Variants in FRY observed in about 807,000 individuals in gnomAD.
The protein encoded by FRY is FRY microtubule binding protein, also known as protein furry homolog.
A neutral mutation model predicts 348.4 loss-of-function variants in FRY; 128 were observed. The ratio of observed to expected loss-of-function variants is 0.37; its 90% CI spans 0.32 to 0.43. The LOEUF is 0.43. Ranked by LOEUF, FRY falls within the 20% of genes least tolerant of loss-of-function variation. The probability of loss-of-function intolerance (pLI) is 1.00; values close to 1 mark genes in which losing one functional copy is unlikely to be tolerated. For missense variants in FRY, 2,736 were observed against 3,695.2 expected, an observed-to-expected ratio of 0.74 and a Z score of 6.73; for synonymous variants, 1,370 against 1,374.7, an observed-to-expected ratio of 1.00 and a Z score of 0.08.
intron 48 of FRY, among the ~76,000 whole-genome samples, chr13:32,247,703 A>C (rs1886876654): frequency 6.6e-6 from 1 of 152,266 alleles, no homozygotes; most frequent in African/African-American, 2.4e-5. Context: ...AGCTTTTAAA[A>C]ATAGAAACTA....
chr13:32,295,443 T>G lies in FRY; in HGVS notation c.9025T>G (p.Ser3009Ala), dbSNP rs1448030097. Residue 3009 changes from serine to alanine, a missense_variant, in exon 61 of 61, where the codon TCT (serine) becomes GCT (alanine). Physicochemically the swap from Ser to Ala is moderately conservative, Grantham distance 99. This residue lies in a region of FRY where 157 missense variants were observed against 215.2 expected (regional missense o/e 0.73). Coordinates refer to ENST00000542859, the MANE Select transcript of FRY (RefSeq NM_023037.3). ...TACTTTTCTTCCAGACTCCAGTGTT[T>G]CTGGCACTAGTCTCTGACAGGAGCC... ...LTTFLPDSSV[S>A]GTSL is the part of the protein sequence containing the mutation. The G allele has an allele frequency of 1.9e-6, 3 of 1,611,380 alleles. No individual in the cohort carries two copies. The highest frequency in any genetic ancestry group is 1.1e-5 in the South Asian group (1 of 91,066).
At chr13:32,163,881 G>GT (rs1881589433) in intron 17 of FRY, among the ~76,000 whole-genome samples, 1 of 150,738 alleles carries the variant, frequency 6.6e-6, no homozygotes, top group African/African-American at 2.5e-5. Flanking sequence ...GCTGTTTTTT[G>GT]TTTTTTCTTT....
intron 2 of FRY, among the ~76,000 whole-genome samples, chr13:32,087,750 G>A (rs546685918): frequency 1.3e-5 from 2 of 152,290 alleles, no homozygotes; most frequent in East Asian, 3.9e-4. Flanking sequence ...TGTGTGTGCA[G>A]ACTTCTAGAT....
At chr13:32,146,349 T>G (rs1156556868) in intron 11 of FRY, among the ~76,000 whole-genome samples, 2 of 152,182 alleles carry the variant, frequency 1.3e-5, no homozygotes, top group Non-Finnish European at 2.9e-5. Flanking sequence ...TGTTTCTGTT[T>G]TTTTTGAGAC....
chr13:32,151,796 G>A (rs1315479128), intron 14 of FRY, among the ~76,000 whole-genome samples: 1 of 152,188 alleles, frequency 6.6e-6, no homozygotes, highest in Admixed American at 6.5e-5. Context: ...GAGGTCTTAT[G>A]TAGTGCTAGC....
At chr13:32,083,949 C>A (rs1302046016) in intron 2 of FRY, among the ~76,000 whole-genome samples, 1 of 152,150 alleles carries the variant, frequency 6.6e-6, no homozygotes, top group Non-Finnish European at 1.5e-5. Flanking sequence ...ACAGTCCTCT[C>A]CCTGGATAGC....
At position 32,237,598 on chromosome 13, in the gene FRY, CCAA is replaced by C; in HGVS notation, c.6034_6036del (p.Gln2012del). 1 of 1,614,066 alleles carries C rather than the reference CCAA, an allele frequency of 6.2e-7. No homozygotes were observed. The highest frequency in any genetic ancestry group is 2.2e-5 in the East Asian group (1 of 44,876). ...CACTGGACAGAATTCAGGCTTGTAC[CCAA>C]CAAGGCCTCTCCTCAAAAACCAGAA... On this transcript the variant is annotated inframe_deletion, in exon 44 of 61. Transcript: ENST00000542859. This position sits in a 1 kb window ranked among gnomAD's most constrained non-coding sequence, Gnocchi z 6.3.
At chr13:32,274,703 CAAAAA>C (rs397723164) in intron 55 of FRY, 134 bp from the exon 56 acceptor site, 3,060 of 300,814 alleles carry the variant, frequency 0.01, no homozygotes, top group Middle Eastern at 0.013. Context: ...GATTCTGTCT[CAAAAA>C]AAAAAAAAAA....
At chr13:32,146,368 G>T (rs58702913) in intron 11 of FRY, among the ~76,000 whole-genome samples, 2 of 151,914 alleles carry the variant, frequency 1.3e-5, no homozygotes, top group Non-Finnish European at 2.9e-5. Flanking sequence ...ACAGAGTCTC[G>T]CTCTGTCGCC....
At chr13:32,034,493 G>A (rs1013048998) in intron 1 of FRY, among the ~76,000 whole-genome samples, 28 of 152,178 alleles carry the variant, frequency 1.8e-4, no homozygotes, top group Admixed American at 1.7e-3. Flanking sequence ...TTGATGTCTG[G>A]AAATAAAATG....
chr13:32,132,527 G>T (rs1362360655), intron 8 of FRY, among the ~76,000 whole-genome samples: 1 of 152,164 alleles, frequency 6.6e-6, no homozygotes, highest in African/African-American at 2.4e-5. Flanking sequence ...TCTGGGTGAA[G>T]ATGTGGAAAA....
At chr13:32,105,441 C>G (rs565923582) in intron 3 of FRY, among the ~76,000 whole-genome samples, 2 of 152,318 alleles carry the variant, frequency 1.3e-5, no homozygotes, top group East Asian at 3.9e-4. Context: ...CTCAGCAGCA[C>G]TAAAACAGTG....
At chr13:32,152,046 T>C (rs925560261) in intron 14 of FRY, among the ~76,000 whole-genome samples, 1 of 152,186 alleles carries the variant, frequency 6.6e-6, no homozygotes, top group African/African-American at 2.4e-5. Flanking sequence ...GCACTAAAGC[T>C]GACAAAATAT....
At position 32,286,105 on chromosome 13, in the gene FRY, T is replaced by C. The variant is rs1889033330; in HGVS notation, c.8470-3528T>C. Among the ~76,000 whole-genome samples, 4 of 152,168 alleles carry C rather than the reference T, an allele frequency of 2.6e-5. No individual in the cohort carries two copies. The South Asian group carries it at 8.3e-4, about 31-fold the overall frequency. ...ATGGGAAGAATAGACCCTTGGAGGATAGGGTAGGGCTTGTTGGTGGCAGTC... is the reference window on the plus strand; with the variant it reads ...ATGGGAAGAATAGACCCTTGGAGGACAGGGTAGGGCTTGTTGGTGGCAGTC... On this transcript the variant is annotated intron_variant, in intron 58 of 60. Transcript: ENST00000542859.
intron 2 of FRY, among the ~76,000 whole-genome samples, chr13:32,101,739 G>A (rs1014859851): frequency 1.3e-5 from 2 of 152,138 alleles, no homozygotes; most frequent in Non-Finnish European, 2.9e-5. Context: ...TGGTCAAAGA[G>A]ACATGTATTA....
intron 4 of FRY, among the ~76,000 whole-genome samples, chr13:32,122,911 A>C (rs370513179): frequency 1.1e-3 from 162 of 151,860 alleles, no homozygotes; most frequent in African/African-American, 3.8e-3. Context: ...GCGGAGAATC[A>C]AATCAATAAC....
At chr13:32,086,912 T>G (rs543088492) in intron 2 of FRY, among the ~76,000 whole-genome samples, 2 of 152,290 alleles carry the variant, frequency 1.3e-5, no homozygotes, top group African/African-American at 4.8e-5. Context: ...GTAGCCTTGT[T>G]CACAAAATAG....
chr13:32,206,390 G>C (rs1346125998), intron 31 of FRY, among the ~76,000 whole-genome samples: 1 of 152,206 alleles, frequency 6.6e-6, no homozygotes, highest in Non-Finnish European at 1.5e-5. Context: ...TCCCAGAAGA[G>C]AAGACCTGAA....
At chr13:32,294,321 T>TC in intron 59 of FRY, 47 bp from the exon 60 acceptor site, 2 of 1,354,274 alleles carry the variant, frequency 1.5e-6, no homozygotes, top group African/African-American at 1.4e-5. Flanking sequence ...GATGTAAAAT[T>TC]CCCCCAGCAC....
Sources: allele counts gnomAD v4.1 joint callset (sites outside exome capture counted in the v4.1 genomes callset), GRCh38; gene constraint gnomAD v4.1.1; regional missense constraint gnomAD v4.1.1; non-coding constraint Gnocchi (gnomAD v3.1); transcripts MANE v1.5; gene names NCBI Gene and HGNC (gene_info 2026-07-23, HGNC 2026-07-21).